Variants in KDM4B observed in about 807,000 individuals in gnomAD.
KDM4B encodes the protein lysine-specific demethylase 4B.
KDM4B carries 32 observed loss-of-function variants against 125.2 expected under a neutral mutation model. The observed-to-expected ratio is 0.26, with a 90% CI of 0.19 to 0.34. KDM4B has a LOEUF of 0.34. Ranked by LOEUF, KDM4B falls within the 10% of genes least tolerant of loss-of-function variation. The pLI is 1.00. For missense variants in KDM4B, 1,190 were observed against 1,577.7 expected (o/e 0.75, Z 4.16); for synonymous variants, 721 against 677.9 (o/e 1.06, Z -0.99).
intron 5 of KDM4B, chr19:5,047,168 A>C: frequency 3.5e-6 from 1 of 282,512 alleles, no homozygotes; most frequent in Non-Finnish European, 6.7e-6. Context: ...GTGGTTTCTC[A>C]CGCCTATAGC....
At chr19:5,124,277 C>T (rs973874058) in intron 11 of KDM4B, among the ~76,000 whole-genome samples, 29 of 151,974 alleles carry the variant, frequency 1.9e-4, no homozygotes, top group Admixed American at 3.9e-4. Flanking sequence ...TAAGAGGACA[C>T]GCATCCTCCC....
intron 1 of KDM4B, among the ~76,000 whole-genome samples, chr19:5,006,784 AAAAG>A (rs2035574798): frequency 6.6e-6 from 1 of 152,034 alleles, no homozygotes; most frequent in South Asian, 2.1e-4. Context: ...AAAAAAAAAA[AAAAG>A]ATATGGTGAG....
At chr19:5,093,597 G>A (rs1192652546) in intron 9 of KDM4B, among the ~76,000 whole-genome samples, 1 of 152,248 alleles carries the variant, frequency 6.6e-6, no homozygotes, top group Admixed American at 6.5e-5. Context: ...CACGCGTTCT[G>A]TGAGCCATCA....
In KDM4B at chr19:5,137,670, A is replaced by G. The variant is rs1182952074; in HGVS notation, c.2435A>G (p.Asp812Gly). 1.3e-6 allele frequency: 2 copies of G among 1,591,098 alleles called. No homozygotes were observed. Among genetic ancestry groups the G allele is most frequent in the South Asian group, 2.2e-5 (2 of 89,618 alleles). The change falls in exon 17 of 23, where the codon GAT (aspartate) becomes GGT (glycine). Residue 812 changes from aspartate (D) to glycine (G), a missense_variant. Transcript: ENST00000159111. Reference protein sequence around the residue: ...LRGGALQMTTDRRWIHVICAI... With the variant: ...LRGGALQMTTGRRWIHVICAI... ...GGAGGTGCGCTGCAGATGACCACCGATAGGAGGTGGGTGGCACCGCGCGTT... is the reference window on the plus strand; with the variant it reads ...GGAGGTGCGCTGCAGATGACCACCGGTAGGAGGTGGGTGGCACCGCGCGTT...
At chr19:5,131,642 A>AGGAG (rs2039556440) in intron 12 of KDM4B, 97 bp downstream of exon 12, 20 of 107,006 alleles carry the variant, frequency 1.9e-4, no homozygotes, top group South Asian at 1.1e-3. Context: ...GTGGCGGGGG[A>AGGAG]GGGGGCAGGG....
intron 2 of KDM4B, among the ~76,000 whole-genome samples, chr19:5,031,575 C>T (rs966688898): frequency 5.3e-5 from 8 of 152,204 alleles, no homozygotes; most frequent in East Asian, 1.9e-4. Flanking sequence ...CAGCCCAGCG[C>T]GGGGTGTGAC....
chr19:4,997,474 C>T lies in KDM4B; in HGVS notation c.-108-18783C>T, dbSNP rs989259418. ...TGTGTTTCCAACATGTCCACCCCAG[C>T]CGGCTGGGCCTGCGTACCCAGTGGG... On this transcript the variant is annotated intron_variant, in intron 1 of 22. Coordinates refer to ENST00000159111, the MANE Select transcript of KDM4B (RefSeq NM_015015.3). The surrounding 1 kb of genome is among the most constrained non-coding windows in gnomAD (Gnocchi z 4.2). 1.3e-4 allele frequency among the ~76,000 whole-genome samples: 20 copies of T among 152,120 alleles called. No individual in the cohort carries two copies. The highest frequency in any genetic ancestry group is 2.1e-4 in the South Asian group (1 of 4,828).
chr19:5,058,031 C>G (rs983414863), intron 6 of KDM4B, among the ~76,000 whole-genome samples: 1 of 152,230 alleles, frequency 6.6e-6, no homozygotes, highest in Non-Finnish European at 1.5e-5. Context: ...CAGGGCCCAC[C>G]ACTTCTGCCC....
intron 21 of KDM4B, among the ~76,000 whole-genome samples, chr19:5,146,966 A>AAAC (rs2039862554): frequency 6.7e-6 from 1 of 149,044 alleles, no homozygotes; most frequent in Non-Finnish European, 1.5e-5. Flanking sequence ...AAAAAAACAA[A>AAAC]AACTCTGCTG....
intron 15 of KDM4B, among the ~76,000 whole-genome samples, chr19:5,137,001 G>A (rs1285796115): frequency 2.0e-5 from 3 of 152,144 alleles, no homozygotes; most frequent in Non-Finnish European, 2.9e-5. Flanking sequence ...TGGAGCTCAG[G>A]GTCCCTGCTT....
At chr19:5,004,613 C>G (rs1207560921) in intron 1 of KDM4B, among the ~76,000 whole-genome samples, 1 of 152,186 alleles carries the variant, frequency 6.6e-6, no homozygotes, top group Non-Finnish European at 1.5e-5. Flanking sequence ...TTTCAGCTCC[C>G]CAGTTTCATG....
chr19:5,080,006 C>G (rs2038238908), intron 8 of KDM4B, among the ~76,000 whole-genome samples: 1 of 152,232 alleles, frequency 6.6e-6, no homozygotes, highest in Non-Finnish European at 1.5e-5. Flanking sequence ...TTGGGGACCC[C>G]ATGTCCTGCA....
chr19:5,020,998 T>C (rs1355299946), intron 2 of KDM4B, among the ~76,000 whole-genome samples: 2 of 151,804 alleles, frequency 1.3e-5, no homozygotes, highest in Non-Finnish European at 2.9e-5. Context: ...AATACAAAAA[T>C]TAGCCGGACG....
Position 5,124,312 on chromosome 19 carries a change from G to C in KDM4B, c.1315+4460G>C, listed in dbSNP as rs565218083. ...CCAGGCCGGCGCGGTGGGGGAAATC[G>C]GGCAGGCTGCTGCCGCCGCCGCTGC... On this transcript the variant is annotated intron_variant, in intron 11 of 22. Transcript: ENST00000159111. 1.5e-4 allele frequency among the ~76,000 whole-genome samples: 23 copies of C among 152,202 alleles called. No homozygotes were observed. In the South Asian group the frequency reaches 2.5e-3, roughly 16 times the overall value.
rs375289584 is a variant in KDM4B, at chr19:5,091,735, G to A, written c.918+9231G>A. On this transcript the variant is annotated intron_variant, in intron 9 of 22. Coordinates refer to ENST00000159111, the MANE Select transcript of KDM4B (RefSeq NM_015015.3). Reference sequence around the variant, plus strand: ...AGGGGGAGGGAGCCCAGGGGGAGGCGGCAGAAGGCAGGGGCTGGGGAAGGG... The same window carrying A: ...AGGGGGAGGGAGCCCAGGGGGAGGCAGCAGAAGGCAGGGGCTGGGGAAGGG... 1.7e-4 allele frequency among the ~76,000 whole-genome samples: 26 copies of A among 152,036 alleles called. No homozygotes were observed. The East Asian group carries it at 3.7e-3, about 22-fold the overall frequency.
At chr19:5,127,247 C>T (rs920494098) in intron 11 of KDM4B, among the ~76,000 whole-genome samples, 2 of 152,168 alleles carry the variant, frequency 1.3e-5, no homozygotes, top group Non-Finnish European at 2.9e-5. Flanking sequence ...AGGTGAGGGG[C>T]GTGCCAAGGT....
rs1479779578 is a variant in KDM4B, at chr19:5,115,021, G to T, written c.1115+4203G>T. Among the ~76,000 whole-genome samples, 1 of 152,246 alleles carries T rather than the reference G, an allele frequency of 6.6e-6. No homozygotes were observed. The highest frequency in any genetic ancestry group is 1.5e-5 in the Non-Finnish European group (1 of 68,046). On this transcript the variant is annotated intron_variant, in intron 10 of 22. Coordinates refer to ENST00000159111, the MANE Select transcript of KDM4B (RefSeq NM_015015.3). This position sits in a 1 kb window ranked among gnomAD's most constrained non-coding sequence, Gnocchi z 4.2. ...AAACGCCACTGAAACACCAGAGAGT[G>T]AAGTGCAGAGAACGGGAGAGGGGGC...
chr19:5,047,183 AGTCCC>A, intron 5 of KDM4B: 4 of 356,240 alleles, frequency 1.1e-5, no homozygotes, highest in South Asian at 5.2e-5. Context: ...TATAGCCTAT[AGTCCC>A]AGGTACTCAG....
At chr19:5,102,683 C>T (rs1410833780) in intron 9 of KDM4B, among the ~76,000 whole-genome samples, 1 of 152,166 alleles carries the variant, frequency 6.6e-6, no homozygotes, top group Non-Finnish European at 1.5e-5. Context: ...GCTCTCCCTT[C>T]ACCGGCAATG....
Sources: gnomAD v4.1 joint callset for allele counts (sites outside exome capture counted in the v4.1 genomes callset) on GRCh38, gnomAD v4.1.1 for gene constraint, Gnocchi (gnomAD v3.1) non-coding constraint, MANE v1.5 for transcripts, NCBI Gene and HGNC (gene_info 2026-07-23, HGNC 2026-07-21) for gene names.